The following AIM2 variants were observed in gnomAD, a reference collection of about 807,000 sequenced individuals.
AIM2 encodes the protein absent in melanoma 2.
A neutral mutation model predicts 27.7 loss-of-function variants in AIM2; 30 were observed. The ratio of observed to expected loss-of-function variants is 1.08; its 90% CI spans 0.81 to 1.47. The LOEUF (loss-of-function observed/expected upper bound fraction) is 1.47, where lower values mean the gene tolerates loss of function less well. Ranked by LOEUF, AIM2 falls within the 40% of genes most tolerant of loss-of-function variation. The pLI is 0.00. For missense variants in AIM2, 358 were observed against 411.3 expected (o/e 0.87, Z 1.12); for synonymous variants, 141 against 145.3 (o/e 0.97, Z 0.21).
intron 1 of AIM2, among the ~76,000 whole-genome samples, chr1:159,111,396 T>C (rs1365145330): frequency 6.6e-6 from 1 of 152,206 alleles, no homozygotes; most frequent in Non-Finnish European, 1.5e-5. Context: ...TGCACAACAT[T>C]GTGAATGTAC....
chr1:159,098,044 G>A (rs2102015291), intron 1 of AIM2, among the ~76,000 whole-genome samples: 1 of 152,284 alleles, frequency 6.6e-6, no homozygotes, highest in African/African-American at 2.4e-5. Context: ...AGTGAATTCA[G>A]ATATCTTAAG....
intron 3 of AIM2, among the ~76,000 whole-genome samples, chr1:159,067,864 T>C (rs964485586): frequency 1.3e-5 from 2 of 152,118 alleles, no homozygotes; most frequent in African/African-American, 4.8e-5. Flanking sequence ...CTTTCTAACG[T>C]TGTCTGCCAC....
chr1:159,113,715 C>A (rs1159249893), intron 1 of AIM2, among the ~76,000 whole-genome samples: 1 of 152,192 alleles, frequency 6.6e-6, no homozygotes, highest in Non-Finnish European at 1.5e-5. Context: ...GGCCTTACCT[C>A]ACTGGAATCT....
At chr1:159,137,527 C>T (rs1219767420) in intron 1 of AIM2, among the ~76,000 whole-genome samples, 3 of 151,950 alleles carry the variant, frequency 2.0e-5, no homozygotes, top group Admixed American at 6.6e-5. Context: ...CATGTTGGTG[C>T]GCGTCTGTAC....
rs565030784 is a variant in AIM2, at chr1:159,129,892, C to A, written c.-16+10539G>T. Among the ~76,000 whole-genome samples the A allele has an allele frequency of 2.6e-5, 4 of 152,334 alleles. No individual in the cohort carries two copies. The East Asian group carries it at 7.7e-4, about 29-fold the overall frequency. On this transcript the variant is annotated intron_variant, in intron 1 of 2. Transcript: ENST00000368129. The stretch of plus-strand genomic sequence containing the variant: ...ACACACTTCTCCCTCCAGCTCCCAT[C>A]CCATCCACTAACTCCATTTCACAAC...
intron 1 of AIM2, among the ~76,000 whole-genome samples, chr1:159,111,817 ATCTATCTATCTATCATCTAT>A (rs1657581175): frequency 7.1e-6 from 1 of 140,124 alleles, no homozygotes; most frequent in Non-Finnish European, 1.5e-5. Context: ...AAAAAAAACT[ATCTATCTATCTATCATCTAT>A]CTATCTATCT....
chr1:159,068,748 A>T (rs1485548906), intron 2 of AIM2, 47 bp from the exon 3 acceptor site: 2 of 1,563,862 alleles, frequency 1.3e-6, no homozygotes, highest in East Asian at 4.6e-5. Flanking sequence ...TAAACATATG[A>T]GCAGTGCACA....
chr1:159,124,557 T>C (rs560420257), intron 1 of AIM2, among the ~76,000 whole-genome samples: 14 of 152,376 alleles, frequency 9.2e-5, no homozygotes, highest in African/African-American at 2.6e-4. Flanking sequence ...TACAGTGTTA[T>C]AGGGCAACCA....
At chr1:159,117,865 T>C (rs1647420888) in intron 1 of AIM2, among the ~76,000 whole-genome samples, 1 of 152,188 alleles carries the variant, frequency 6.6e-6, no homozygotes, top group African/African-American at 2.4e-5. Context: ...TTTGACAGAA[T>C]AAGATATGTA....
intron 1 of AIM2, among the ~76,000 whole-genome samples, chr1:159,084,816 T>C (rs138509390): frequency 0.011 from 527 of 49,728 alleles, no homozygotes; most frequent in South Asian, 0.033. Context: ...CACACACACA[T>C]ACAGACACAC....
At chr1:159,094,169 C>A (rs1020717920) in intron 1 of AIM2, among the ~76,000 whole-genome samples, 3 of 152,092 alleles carry the variant, frequency 2.0e-5, no homozygotes, top group African/African-American at 4.8e-5. Flanking sequence ...TGGCTAGAAC[C>A]AGAGGACAGA....
chr1:159,064,555 C>A (rs1364567879), intron 4 of AIM2, among the ~76,000 whole-genome samples: 1 of 151,954 alleles, frequency 6.6e-6, no homozygotes, highest in Non-Finnish European at 1.5e-5. Flanking sequence ...ACCTCCAACG[C>A]CCTGGGTTCA....
At chr1:159,131,168 C>T (rs1647863561) in intron 1 of AIM2, among the ~76,000 whole-genome samples, 5 of 152,150 alleles carry the variant, frequency 3.3e-5, no homozygotes, top group Admixed American at 3.3e-4. Context: ...GACCCAGAAC[C>T]ATGCCTGTCT....
intron 1 of AIM2, among the ~76,000 whole-genome samples, chr1:159,092,706 A>G (rs931640749): frequency 2.0e-5 from 3 of 152,148 alleles, no homozygotes; most frequent in African/African-American, 7.2e-5. Flanking sequence ...TGAGGTTACA[A>G]AGGTGTAAGT....
At chr1:159,121,317 T>C (rs566352958) in intron 1 of AIM2, among the ~76,000 whole-genome samples, 1 of 152,194 alleles carries the variant, frequency 6.6e-6, no homozygotes, top group Non-Finnish European at 1.5e-5. Context: ...AGCCATCATC[T>C]TACTCAATAC....
downstream of AIM2, among the ~76,000 whole-genome samples, chr1:159,057,903 G>C (rs1046586593): frequency 2.0e-5 from 3 of 152,150 alleles, no homozygotes; most frequent in East Asian, 5.8e-4. Flanking sequence ...AGGCCTTTTG[G>C]ATTGGCTTTG....
intron 1 of AIM2, among the ~76,000 whole-genome samples, chr1:159,103,994 T>G (rs1410341709): frequency 3.3e-5 from 5 of 151,932 alleles, no homozygotes; most frequent in Admixed American, 1.3e-4. Context: ...TCCCAAATTT[T>G]CTGATCTAGT....
At chr1:159,081,713 T>TA (rs1656780039), upstream of AIM2, 7 of 221,246 alleles carry the variant, frequency 3.2e-5, no homozygotes, top group South Asian at 2.8e-4. Flanking sequence ...AAGTTAACTT[T>TA]AAAAAAAGTC....
rs12075829 is a variant in AIM2 at position 159,073,525 on chromosome 1, A to G, written c.-20-6T>C. On this transcript the variant is annotated splice_region_variant and splice_polypyrimidine_tract_variant and intron_variant, in intron 1 of 5. Coordinates refer to ENST00000368130, the MANE Select transcript of AIM2 (RefSeq NM_004833.3). ...CTGACAACTTTGGGATCAGCCTATA[A>G]GGAATCCAAAACATGTAAGATTACA... 45 of 1,599,436 alleles carry G rather than the reference A, an allele frequency of 2.8e-5. No individual in the cohort carries two copies. The African/African-American group carries it at 6.0e-4, about 21-fold the overall frequency.
Sources: gnomAD v4.1 joint callset for allele counts (sites outside exome capture counted in the v4.1 genomes callset) on GRCh38, gnomAD v4.1.1 for gene constraint, MANE v1.5 for transcripts, NCBI Gene and HGNC (gene_info 2026-07-23, HGNC 2026-07-21) for gene names.